The following IRS1 variants were observed in gnomAD, a reference collection of about 807,000 sequenced individuals.
The protein encoded by IRS1 is insulin receptor substrate 1.
In IRS1, 34 loss-of-function variants were observed where a neutral mutation model predicts 65.6. The observed-to-expected ratio is 0.52, with a 90% CI of 0.39 to 0.69. The LOEUF is 0.69. IRS1 is among the 30% of genes least tolerant of loss of function. The pLI is 0.00. For missense variants in IRS1, 1,641 were observed against 1,720.2 expected (o/e 0.95, Z 0.81); for synonymous variants, 699 against 683.5 (o/e 1.02, Z -0.35).
At chr2:226,766,151 A>ATT (rs1357950302) in intron 1 of IRS1, among the ~76,000 whole-genome samples, 5 of 4,100 alleles carry the variant, frequency 1.2e-3, no homozygotes, top group African/African-American at 1.7e-3. Context: ...ATATATATAT[A>ATT]TATATATATA....
intron 1 of IRS1, among the ~76,000 whole-genome samples, chr2:226,743,348 G>C (rs1047181063): frequency 2.6e-5 from 4 of 151,918 alleles, no homozygotes; most frequent in African/African-American, 9.7e-5. Flanking sequence ...TCCTGCTTCA[G>C]CCTCCCAAGT....
chr2:226,743,575 C>G (rs770249207), intron 1 of IRS1, among the ~76,000 whole-genome samples: 3 of 152,136 alleles, frequency 2.0e-5, no homozygotes, highest in Non-Finnish European at 4.4e-5. Context: ...AAACCTGTTA[C>G]GAAAAGACAT....
In IRS1 at chr2:226,798,157, G is replaced by C. The variant is rs1939788244; in HGVS notation, c.582C>G (p.Phe194Leu). The C allele has an allele frequency of 6.2e-7, 1 of 1,613,980 alleles. No homozygotes were observed. Among genetic ancestry groups the C allele is most frequent in the Non-Finnish European group, 8.5e-7 (1 of 1,180,034 alleles). The change falls in exon 1 of 2, where the codon TTC becomes TTG. Residue 194 changes from phenylalanine to leucine, a missense_variant. Transcript: ENST00000305123. The surrounding 1 kb of genome is among the most constrained non-coding windows in gnomAD (Gnocchi z 9.4). Reference sequence around the variant, plus strand: ...CCGCTGCCTCCGAGTTCAGCTTCACGAAGCTGATGGTCTTGCTGGTCAGGC... The same window carrying C: ...CCGCTGCCTCCGAGTTCAGCTTCACCAAGCTGATGGTCTTGCTGGTCAGGC... ...RLCLTSKTIS[F>L]VKLNSEAAAV...
intron 1 of IRS1, among the ~76,000 whole-genome samples, chr2:226,791,731 G>A (rs1011507993): frequency 1.3e-5 from 2 of 151,888 alleles, no homozygotes; most frequent in African/African-American, 4.8e-5. Context: ...TGTGGTGGGG[G>A]CCAATCAGCG....
intron 1 of IRS1, among the ~76,000 whole-genome samples, chr2:226,745,339 C>A (rs765113754): frequency 2.6e-5 from 4 of 151,972 alleles, no homozygotes; most frequent in Admixed American, 2.0e-4. Flanking sequence ...AACCTGTATG[C>A]GATTTTGAAT....
chr2:226,766,160 TATA>T (rs1203874488), intron 1 of IRS1, among the ~76,000 whole-genome samples: 1 of 20,448 alleles, frequency 4.9e-5, no homozygotes, highest in African/African-American at 1.6e-4. Flanking sequence ...TATATATATA[TATA>T]TTTTTTTTTT....
Position 226,798,028 on chromosome 2 carries a change from C to T in IRS1, c.711G>A (p.Trp237Ter). Reference sequence around the variant, plus strand: ...CCACCACAGAGTCATCCACCTGCATCCAGAACTCCCCGGGCCCCGTCACGG... The same window carrying T: ...CCACCACAGAGTCATCCACCTGCATTCAGAACTCCCCGGGCCCCGTCACGG... ...RSAVTGPGEF[W>*]MQVDDSVVAQ... The change falls in exon 1 of 2, where the codon TGG (tryptophan) becomes TGA (stop). Residue 237 changes from tryptophan (W) to a stop codon, truncating the protein, a stop_gained. Transcript: ENST00000305123. LOFTEE classifies it high-confidence loss of function. This position sits in a 1 kb window ranked among gnomAD's most constrained non-coding sequence, Gnocchi z 9.4. The T allele has an allele frequency of 6.2e-7, 1 of 1,614,124 alleles. No individual in the cohort carries two copies. Among genetic ancestry groups the T allele is most frequent in the Non-Finnish European group, 8.5e-7 (1 of 1,180,022 alleles).
intron 1 of IRS1, among the ~76,000 whole-genome samples, chr2:226,754,422 C>T (rs1189440117): frequency 1.3e-5 from 2 of 152,172 alleles, no homozygotes; most frequent in African/African-American, 4.8e-5. Context: ...TTAGGCACTA[C>T]GTGAACAGCG....
chr2:226,785,471 C>T (rs28695886), intron 1 of IRS1, among the ~76,000 whole-genome samples: 72,324 of 151,846 alleles, frequency 0.48, 21,325 homozygotes, highest in Non-Finnish European at 0.65. Flanking sequence ...GGTGTGGTGG[C>T]GCACGCCTGT....
At chr2:226,763,346 C>T (rs983415069) in intron 1 of IRS1, among the ~76,000 whole-genome samples, 2 of 152,112 alleles carry the variant, frequency 1.3e-5, no homozygotes, top group Non-Finnish European at 2.9e-5. Flanking sequence ...ACACAAGATT[C>T]TCACAGTCCT....
At chr2:226,742,290 T>C (rs1041651279) in intron 1 of IRS1, among the ~76,000 whole-genome samples, 6 of 152,180 alleles carry the variant, frequency 3.9e-5, no homozygotes, top group African/African-American at 1.4e-4. Flanking sequence ...CAAGTGAAGA[T>C]TGAGCTAAAG....
At chr2:226,757,900 C>G (rs1207429550) in intron 1 of IRS1, among the ~76,000 whole-genome samples, 1 of 152,124 alleles carries the variant, frequency 6.6e-6, no homozygotes, top group Admixed American at 6.5e-5. Context: ...TAAAAATTAA[C>G]AACAAAATGT....
chr2:226,788,019 CAA>C (rs539121964), intron 1 of IRS1, among the ~76,000 whole-genome samples: 1 of 140,510 alleles, frequency 7.1e-6, no homozygotes. Flanking sequence ...TACATATATT[CAA>C]AAAAAAAAAC....
At chr2:226,789,828 G>A (rs977379768) in intron 1 of IRS1, among the ~76,000 whole-genome samples, 5 of 152,140 alleles carry the variant, frequency 3.3e-5, no homozygotes, top group African/African-American at 9.7e-5. Context: ...GTCTAGAGAT[G>A]GTTCCAAAAA....
chr2:226,745,627 G>A (rs546812182), intron 1 of IRS1, among the ~76,000 whole-genome samples: 9 of 152,280 alleles, frequency 5.9e-5, no homozygotes, highest in South Asian at 2.1e-4. Context: ...CAGGGTTCTC[G>A]TTGAGATTAA....
rs751630095 is a variant in IRS1 at position 226,797,806 on chromosome 2, G to A, written c.933C>T (p.Thr311=). 5 of 1,599,946 alleles carry A rather than the reference G, an allele frequency of 3.1e-6. No homozygotes were observed. The highest frequency in any genetic ancestry group is 2.7e-5 in the African/African-American group (2 of 73,694). Residue 311 remains threonine, a synonymous_variant, in exon 1 of 2, where the codon ACC becomes ACT. Coordinates refer to ENST00000305123, the MANE Select transcript of IRS1 (RefSeq NM_005544.3). The surrounding 1 kb of genome is among the most constrained non-coding windows in gnomAD (Gnocchi z 8.1). The part of the protein sequence containing the change: ...RRSRTESITA[T]SPASMVGGKP... ...TCCCGCCCACCATGCTGGCCGGGGA[G>A]GTGGCGGTGATGCTCTCAGTGCGTG...
At chr2:226,743,674 T>C (rs1938485209) in intron 1 of IRS1, among the ~76,000 whole-genome samples, 1 of 152,350 alleles carries the variant, frequency 6.6e-6, no homozygotes, top group African/African-American at 2.4e-5. Context: ...TTCTGCAGCA[T>C]CCTTTCCCTC....
chr2:226,797,455 C>T lies in IRS1; in HGVS notation c.1284G>A (p.Ser428=), dbSNP rs139864425. 951 of 1,613,552 alleles carry T rather than the reference C, an allele frequency of 5.9e-4. 9 individuals carry two copies. In the Middle Eastern group the frequency reaches 9.2e-3, roughly 16 times the overall value. ...CGCAGGGACTGGAGCCATACTCATC[C>T]GAGGAGATGAAACCGCCATCGCTGG... ...GSPSDGGFIS[S]DEYGSSPCDF... Residue 428 remains serine, a synonymous_variant, in exon 1 of 2, where the codon TCG becomes TCA. Coordinates refer to ENST00000305123, the MANE Select transcript of IRS1 (RefSeq NM_005544.3). The surrounding 1 kb of genome is among the most constrained non-coding windows in gnomAD (Gnocchi z 8.1).
rs987532625 is a variant in IRS1 at position 226,733,406 on chromosome 2, A to G, written c.*2866T>C. 6.6e-6 allele frequency: 1 copy of G among 152,128 alleles called. No individual in the cohort carries two copies. The allele number at this position is 152,128 out of a possible 1,614,324, so 9.4% of individuals were successfully genotyped here. A position where few individuals can be genotyped will look rare whatever the true frequency, so the allele number is the denominator to read the frequency against. On this transcript the variant is annotated 3_prime_UTR_variant, in exon 2 of 2. Transcript: ENST00000305123. ...CATCAGTACTGATTTCTCATTATTG[A>G]CTCAGGTGGTTGATCATTAATGGAT...
Sources: allele counts gnomAD v4.1 joint callset (sites outside exome capture counted in the v4.1 genomes callset), GRCh38; gene constraint gnomAD v4.1.1; non-coding constraint Gnocchi (gnomAD v3.1); transcripts MANE v1.5; gene names NCBI Gene and HGNC (gene_info 2026-07-23, HGNC 2026-07-21).